The following RGS7 variants were observed in gnomAD, a reference collection of about 807,000 sequenced individuals.
RGS7 encodes the protein regulator of G protein signaling 7, also known as regulator of G-protein signaling 7.
In RGS7, 27 loss-of-function variants were observed where a neutral mutation model predicts 81.1. That is an observed-to-expected ratio of 0.33 (90% CI 0.25 to 0.46). The LOEUF (loss-of-function observed/expected upper bound fraction) is 0.46, where lower values mean the gene tolerates loss of function less well. Ranked by LOEUF, RGS7 falls within the 20% of genes least tolerant of loss-of-function variation. The pLI is 1.00. For missense variants in RGS7, 396 were observed against 607.4 expected (o/e 0.65, Z 3.66); for synonymous variants, 208 against 207.7 (o/e 1.00, Z -0.01).
intron 2 of RGS7, among the ~76,000 whole-genome samples, chr1:241,151,531 A>T (rs1263027085): frequency 2.0e-5 from 3 of 148,190 alleles, no homozygotes; most frequent in Admixed American, 2.0e-4. Context: ...CAGATAGGAG[A>T]TGTCAAGTGA....
chr1:241,271,218 T>C lies in RGS7; in HGVS notation c.78+84481A>G, dbSNP rs148875304. Among the ~76,000 whole-genome samples, 36 of 152,282 alleles carry C rather than the reference T, an allele frequency of 2.4e-4. No homozygotes were observed. The highest frequency in any genetic ancestry group is 3.4e-3 in the Middle Eastern group (1 of 294). ...ACAGTTCAAAATCTTGAACAGATCT[T>C]ATCACCCTTAAAGTATTATGTAATA... On this transcript the variant is annotated intron_variant, in intron 2 of 18. Transcript: ENST00000440928. This position sits in a 1 kb window ranked among gnomAD's most constrained non-coding sequence, Gnocchi z 4.6.
At chr1:241,158,898 G>GA (rs2103180599) in intron 2 of RGS7, among the ~76,000 whole-genome samples, 1 of 152,216 alleles carries the variant, frequency 6.6e-6, no homozygotes, top group South Asian at 2.1e-4. Flanking sequence ...CATATGCACT[G>GA]AAAATCATAA....
intron 9 of RGS7, among the ~76,000 whole-genome samples, chr1:240,832,495 C>T (rs1286156886): frequency 2.0e-5 from 3 of 152,156 alleles, no homozygotes; most frequent in Non-Finnish European, 4.4e-5. Context: ...ATAACATTTA[C>T]GTGAGTGTCC....
chr1:241,069,142 T>C (rs963246487), intron 3 of RGS7, among the ~76,000 whole-genome samples: 3 of 152,232 alleles, frequency 2.0e-5, no homozygotes, highest in South Asian at 2.1e-4. Flanking sequence ...TCTCAGGTAT[T>C]TCTTTACAGC....
intron 2 of RGS7, among the ~76,000 whole-genome samples, chr1:241,322,872 C>A (rs562877624): frequency 8.2e-4 from 125 of 152,208 alleles, no homozygotes; most frequent in African/African-American, 2.3e-3. Context: ...TTCATGAATT[C>A]TCACATAAAG....
chr1:241,281,059 A>T (rs116075128), intron 2 of RGS7, among the ~76,000 whole-genome samples: 2,083 of 152,282 alleles, frequency 0.014, 26 homozygotes, highest in African/African-American at 0.03. Context: ...ATAAAAAAAA[A>T]TAAGAAAAAG....
At chr1:240,979,922 A>G (rs1259819900) in intron 4 of RGS7, among the ~76,000 whole-genome samples, 2 of 152,190 alleles carry the variant, frequency 1.3e-5, no homozygotes, top group Non-Finnish European at 2.9e-5. Context: ...CTCAATAAAT[A>G]TTTGTTAGAT....
In RGS7 at chr1:241,043,062, A is replaced by C. The variant is rs140208237; in HGVS notation, c.175+55604T>G. ...TTTGTACAGCCAATATTTCCAATAGATATTGTGAATAATTGTTTGCTCAAA... is the reference window on the plus strand; with the variant it reads ...TTTGTACAGCCAATATTTCCAATAGCTATTGTGAATAATTGTTTGCTCAAA... On this transcript the variant is annotated intron_variant, in intron 3 of 18. Transcript: ENST00000440928. 4.0e-3 allele frequency among the ~76,000 whole-genome samples: 616 copies of C among 152,192 alleles called. 3 individuals carry two copies. The highest frequency in any genetic ancestry group is 0.014 in the African/African-American group (575 of 41,552).
chr1:241,039,119 T>C (rs1174234466), intron 3 of RGS7, among the ~76,000 whole-genome samples: 1 of 152,146 alleles, frequency 6.6e-6, no homozygotes. Flanking sequence ...GAAGATCTAA[T>C]CAACAGATTT....
At chr1:241,110,455 T>C (rs1009248636) in intron 2 of RGS7, among the ~76,000 whole-genome samples, 8 of 152,094 alleles carry the variant, frequency 5.3e-5, no homozygotes, top group Non-Finnish European at 1.5e-5. Flanking sequence ...CTCTAAAAAA[T>C]AAATGAACAA....
chr1:241,130,523 T>C (rs1277665673), intron 2 of RGS7, among the ~76,000 whole-genome samples: 1 of 152,078 alleles, frequency 6.6e-6, no homozygotes. Context: ...ATCCTTTAGG[T>C]AGCTTTCAAT....
chr1:240,924,700 A>G lies in RGS7; in HGVS notation c.385+6017T>C, dbSNP rs574499200. ...TTACCATGATCTTGACAAAATCTAC[A>G]TTGTAATTAAGGTCTTTTAAGATAG... is the stretch of plus-strand genomic sequence containing the variant. On this transcript the variant is annotated intron_variant, in intron 6 of 18. Coordinates refer to ENST00000440928, the MANE Select transcript of RGS7 (RefSeq NM_001364886.1). Among the ~76,000 whole-genome samples the G allele has an allele frequency of 2.6e-5, 4 of 152,324 alleles. No individual in the cohort carries two copies. The South Asian group carries it at 6.2e-4, about 24-fold the overall frequency.
At chr1:240,891,966 C>T (rs1668355693) in intron 6 of RGS7, among the ~76,000 whole-genome samples, 1 of 152,112 alleles carries the variant, frequency 6.6e-6, no homozygotes, top group Admixed American at 6.6e-5. Context: ...GGAATAGAGG[C>T]TTTAGGGCAA....
At chr1:241,142,362 G>A (rs1255587469) in intron 2 of RGS7, among the ~76,000 whole-genome samples, 2 of 152,196 alleles carry the variant, frequency 1.3e-5, no homozygotes, top group Non-Finnish European at 2.9e-5. Context: ...TACCCTAGCA[G>A]GGCTTCTCCA....
chr1:240,856,011 C>G (rs563036534), intron 9 of RGS7, among the ~76,000 whole-genome samples: 3 of 151,926 alleles, frequency 2.0e-5, no homozygotes, highest in Non-Finnish European at 2.9e-5. Flanking sequence ...TCAGTTTAAG[C>G]CCTTTATCTA....
At chr1:241,325,468 G>A (rs1015676136) in intron 2 of RGS7, among the ~76,000 whole-genome samples, 9 of 152,114 alleles carry the variant, frequency 5.9e-5, no homozygotes, top group African/African-American at 1.9e-4. Context: ...ACGGTAAAAA[G>A]GGTACTCATA....
intron 4 of RGS7, among the ~76,000 whole-genome samples, chr1:240,939,970 C>T (rs1399483442): frequency 6.6e-6 from 1 of 152,098 alleles, no homozygotes; most frequent in Non-Finnish European, 1.5e-5. Flanking sequence ...ATCCCAGCTA[C>T]TTGGGAGGCT....
rs757155616 is a variant in RGS7 at position 240,816,401 on chromosome 1, T to G, written c.699A>C (p.Leu233Phe). ...GACTGTGACTTCTAATATCATTTTG[T>G]AAACCATAGACAGACTATATTAAAA... is the stretch of plus-strand genomic sequence containing the variant. ...PHKTRKSVYGLQNDIRSHSPT... is the reference protein window; with the variant it reads ...PHKTRKSVYGFQNDIRSHSPT... Residue 233 changes from leucine (L) to phenylalanine (F), a missense_variant, in exon 11 of 19, where the codon TTA (leucine) becomes TTC (phenylalanine). Physicochemically the swap from Leu to Phe is conservative, Grantham distance 22 (BLOSUM62 0). Coordinates refer to ENST00000440928, the MANE Select transcript of RGS7 (RefSeq NM_001364886.1). The G allele has an allele frequency of 1.3e-6, 2 of 1,596,990 alleles. No individual in the cohort carries two copies. Among genetic ancestry groups the G allele is most frequent in the Non-Finnish European group, 1.7e-6 (2 of 1,164,612 alleles).
chr1:241,282,326 T>C (rs888701124), intron 2 of RGS7, among the ~76,000 whole-genome samples: 1 of 152,204 alleles, frequency 6.6e-6, no homozygotes, highest in Non-Finnish European at 1.5e-5. Flanking sequence ...AAAAAGACAA[T>C]TGTAAGTGGT....
Sources: gnomAD v4.1 joint callset for allele counts (sites outside exome capture counted in the v4.1 genomes callset) on GRCh38, gnomAD v4.1.1 for gene constraint, Gnocchi (gnomAD v3.1) non-coding constraint, MANE v1.5 for transcripts, NCBI Gene and HGNC (gene_info 2026-07-23, HGNC 2026-07-21) for gene names.